OIT3: variants seen among roughly 807,000 people sequenced by gnomAD.
The protein encoded by OIT3 is oncoprotein induced transcript 3.
In OIT3, 41 loss-of-function variants were observed where a neutral mutation model predicts 52.2. The ratio of observed to expected loss-of-function variants is 0.79; its 90% confidence interval spans 0.61 to 1.02. The LOEUF (loss-of-function observed/expected upper bound fraction) is 1.02. Ranked by LOEUF, OIT3 falls within the 50% of genes least tolerant of loss-of-function variation. OIT3 has a pLI of 0.00. For missense variants in OIT3, 634 were observed against 715.5 expected (o/e 0.89, Z 1.30); for synonymous variants, 244 against 276.9 (o/e 0.88, Z 1.18).
chr10:72,917,812 T>C, intron 6 of OIT3: 1 of 1,433,190 alleles, frequency 7.0e-7, no homozygotes, highest in Non-Finnish European at 9.7e-7. Flanking sequence ...CCTTTTGGTG[T>C]TTTAGGAGTT....
Position 72,932,545 on chromosome 10 carries a change from C to G in OIT3, c.*21C>G, listed in dbSNP as rs771109222. The G allele has an allele frequency of 1.3e-6, 2 of 1,573,606 alleles. No homozygotes were observed. The highest frequency in any genetic ancestry group is 3.6e-5 in the Admixed American group (2 of 55,192). ...ACTAGTTCGTAGCCATACCTCGAGT[C>G]CCTGCATTGGACGGCTCTGCTCTTT... On this transcript the variant is annotated 3_prime_UTR_variant, in exon 9 of 9. Transcript: ENST00000334011.
At chr10:72,914,038 G>A (rs1846052985) in intron 6 of OIT3, among the ~76,000 whole-genome samples, 1 of 152,224 alleles carries the variant, frequency 6.6e-6, no homozygotes. Context: ...GTCCAGTCAA[G>A]GGACAAACAC....
At chr10:72,927,744 T>A (rs1846182039) in intron 7 of OIT3, among the ~76,000 whole-genome samples, 1 of 152,172 alleles carries the variant, frequency 6.6e-6, no homozygotes, top group Non-Finnish European at 1.5e-5. Flanking sequence ...TCCCAAACTG[T>A]CACTCCTGAA....
chr10:72,923,422 AC>A (rs1846138761), intron 6 of OIT3, among the ~76,000 whole-genome samples: 1 of 151,562 alleles, frequency 6.6e-6, no homozygotes, highest in Admixed American at 6.6e-5. Flanking sequence ...GGGAGGTCTC[AC>A]CCAGCCAGGA....
chr10:72,925,899 G>A (rs938131133), intron 7 of OIT3, among the ~76,000 whole-genome samples: 11 of 152,236 alleles, frequency 7.2e-5, no homozygotes, highest in Admixed American at 7.2e-4. Context: ...GAGACACCAT[G>A]TTTGGCCCCT....
At chr10:72,897,745 A>G (rs578072171) in intron 1 of OIT3, among the ~76,000 whole-genome samples, 59 of 152,330 alleles carry the variant, frequency 3.9e-4, no homozygotes, top group Non-Finnish European at 6.2e-4. Flanking sequence ...GCACTGTGAC[A>G]CAGCCTCTCC....
intron 4 of OIT3, among the ~76,000 whole-genome samples, chr10:72,910,674 A>G (rs976743545): frequency 2.6e-5 from 4 of 152,214 alleles, no homozygotes; most frequent in African/African-American, 9.6e-5. Flanking sequence ...TATAGCTATA[A>G]CTGGAAATCA....
At chr10:72,930,071 C>G (rs1179083205) in intron 7 of OIT3, among the ~76,000 whole-genome samples, 1 of 152,176 alleles carries the variant, frequency 6.6e-6, no homozygotes, top group African/African-American at 2.4e-5. Context: ...CACTGCAGTT[C>G]CCTAACTTTT....
At position 72,913,332 on chromosome 10, in the gene OIT3, C is replaced by T. The variant is rs958794664; in HGVS notation, c.815C>T (p.Ala272Val). ...GTCCCTGTGTTGTGCAAATCAAATG[C>T]CATTGAAGTGAACATCCCCAGGGAG... is the stretch of plus-strand genomic sequence containing the variant. ...CQVPVLCKSNAIEVNIPRELV... is the reference protein window; with the variant it reads ...CQVPVLCKSNVIEVNIPRELV... Residue 272 changes from alanine (A) to valine (V), a missense_variant, in exon 6 of 9, where the codon GCC (alanine) becomes GTC (valine). Transcript: ENST00000334011. 30 of 1,611,100 alleles carry T rather than the reference C, an allele frequency of 1.9e-5. No individual in the cohort carries two copies. The highest frequency in any genetic ancestry group is 2.5e-5 in the Non-Finnish European group (29 of 1,177,820).
intron 7 of OIT3, among the ~76,000 whole-genome samples, chr10:72,927,112 C>G (rs1380263338): frequency 2.0e-5 from 3 of 152,112 alleles, no homozygotes; most frequent in Non-Finnish European, 2.9e-5. Flanking sequence ...TATTCAGTCT[C>G]TTAGTGAAGG....
chr10:72,914,539 T>C (rs16930168), intron 6 of OIT3, among the ~76,000 whole-genome samples: 4,551 of 152,296 alleles, frequency 0.03, 93 homozygotes, highest in Non-Finnish European at 0.042. Flanking sequence ...GTTATGTCGA[T>C]CGTATCTGTG....
intron 6 of OIT3, among the ~76,000 whole-genome samples, chr10:72,921,305 A>T (rs908669937): frequency 6.6e-6 from 1 of 152,150 alleles, no homozygotes; most frequent in Admixed American, 6.5e-5. Flanking sequence ...CTTTGAGCCT[A>T]TGTGTATTTT....
chr10:72,924,342 C>T lies in OIT3; in HGVS notation c.1065C>T (p.Thr355=). The part of the protein sequence containing the change: ...IRTSKLLIPV[T]CEFPRLYTIS... The stretch of plus-strand genomic sequence containing the variant: ...CCAGCAAGCTGCTGATCCCGGTGAC[C>T]TGCGAGTTTCCACGCCTGTACACCA... The change falls in exon 7 of 9, where the codon ACC becomes ACT. Residue 355 remains threonine, a synonymous_variant. Transcript: ENST00000334011. 6.2e-7 allele frequency: 1 copy of T among 1,614,174 alleles called. No individual in the cohort carries two copies. Among genetic ancestry groups the T allele is most frequent in the Non-Finnish European group, 8.5e-7 (1 of 1,180,034 alleles).
chr10:72,920,219 G>A (rs1161591895), intron 6 of OIT3, among the ~76,000 whole-genome samples: 1 of 152,188 alleles, frequency 6.6e-6, no homozygotes, highest in Non-Finnish European at 1.5e-5. Context: ...TATATGCATA[G>A]AGGTGTTTAT....
chr10:72,921,606 T>C (rs928986747), intron 6 of OIT3, among the ~76,000 whole-genome samples: 1 of 152,296 alleles, frequency 6.6e-6, no homozygotes, highest in East Asian at 1.9e-4. Context: ...TTATTTCTTC[T>C]TCACTTATGA....
At chr10:72,922,967 C>G (rs1008370154) in intron 6 of OIT3, among the ~76,000 whole-genome samples, 1 of 152,186 alleles carries the variant, frequency 6.6e-6, no homozygotes, top group African/African-American at 2.4e-5. Context: ...CCTTTGTCTC[C>G]TGCATTCAAG....
intron 6 of OIT3, chr10:72,917,616 A>G: frequency 1.2e-6 from 1 of 805,034 alleles, no homozygotes; most frequent in Admixed American, 1.7e-5. Context: ...AATTTTTAAC[A>G]AATTGTTTAA....
At chr10:72,916,985 C>T (rs746912063) in intron 6 of OIT3, among the ~76,000 whole-genome samples, 11 of 151,916 alleles carry the variant, frequency 7.2e-5, no homozygotes, top group Non-Finnish European at 1.3e-4. Context: ...TCTTTTGAGA[C>T]GTGTCTGCTC....
At chr10:72,917,635 C>G in intron 6 of OIT3, 1 of 843,436 alleles carries the variant, frequency 1.2e-6, no homozygotes, top group Non-Finnish European at 2.0e-6. Flanking sequence ...AAACTATTTT[C>G]TTAAAGAGAC....
Sources: gnomAD v4.1 joint callset for allele counts (sites outside exome capture counted in the v4.1 genomes callset) on GRCh38, gnomAD v4.1.1 for gene constraint, MANE v1.5 for transcripts, NCBI Gene and HGNC (gene_info 2026-07-23, HGNC 2026-07-21) for gene names.